The following VRK2 variants were observed in gnomAD, a reference collection of about 807,000 sequenced individuals.
VRK2 encodes the protein serine/threonine-protein kinase VRK2.
In VRK2, 60 loss-of-function variants were observed where a neutral mutation model predicts 57.6. The ratio of observed to expected loss-of-function variants is 1.04; its 90% CI spans 0.85 to 1.29. VRK2 has a LOEUF of 1.29. Ranked by LOEUF, VRK2 falls within the 50% of genes most tolerant of loss-of-function variation. The probability of loss-of-function intolerance (pLI) is 0.00; values close to 1 mark genes in which losing one functional copy is unlikely to be tolerated. For synonymous variants in VRK2, 231 were observed against 199.2 expected (o/e 1.16, Z -1.35); for missense variants, 705 against 588.1 (o/e 1.20, Z -2.06).
intron 1 of VRK2, among the ~76,000 whole-genome samples, chr2:57,953,546 CTT>C (rs949535343): frequency 3.9e-5 from 6 of 152,190 alleles, no homozygotes; most frequent in African/African-American, 1.4e-4. Flanking sequence ...CAGTTATACA[CTT>C]AAACACTTTT....
rs546095382 is a variant in VRK2, at chr2:58,005,014, C to T, written c.-438-20651C>T. Reference sequence around the variant, plus strand: ...GTTAGTGGCCCATTTACTCTAATTTCACACTTGAAAGGCAAAGAAATGTAT... The same window carrying T: ...GTTAGTGGCCCATTTACTCTAATTTTACACTTGAAAGGCAAAGAAATGTAT... On this transcript the variant is annotated intron_variant, in intron 1 of 15. Transcript: ENST00000417641. 3.9e-5 allele frequency among the ~76,000 whole-genome samples: 6 copies of T among 152,226 alleles called. No homozygotes were observed. In the South Asian group the frequency reaches 1.2e-3, roughly 32 times the overall value.
At chr2:58,130,731 A>G (rs1679070132) in intron 8 of VRK2, among the ~76,000 whole-genome samples, 1 of 152,210 alleles carries the variant, frequency 6.6e-6, no homozygotes, top group African/African-American at 2.4e-5. Context: ...TTTAACAGCC[A>G]CTTACTGCTC....
chr2:58,109,720 A>T (rs1488105721), intron 7 of VRK2, among the ~76,000 whole-genome samples: 1 of 152,194 alleles, frequency 6.6e-6, no homozygotes, highest in South Asian at 2.1e-4. Flanking sequence ...CCCTCAACAC[A>T]TGGGAATTAC....
intron 1 of VRK2, 158 bp downstream of exon 1, chr2:58,047,026 C>T (rs963422516): frequency 1.3e-5 from 12 of 957,814 alleles, no homozygotes; most frequent in Non-Finnish European, 1.5e-5. Flanking sequence ...CGGGCAGAGT[C>T]GCTGCTTCCG....
intron 1 of VRK2, among the ~76,000 whole-genome samples, chr2:57,983,931 T>C (rs1672512383): frequency 6.6e-6 from 1 of 152,146 alleles, no homozygotes; most frequent in Non-Finnish European, 1.5e-5. Context: ...ATATAACAGC[T>C]TTGAGGGAAT....
chr2:58,104,542 A>T (rs760142040), intron 7 of VRK2, among the ~76,000 whole-genome samples: 5 of 151,942 alleles, frequency 3.3e-5, no homozygotes, highest in Non-Finnish European at 5.9e-5. Flanking sequence ...AAACTACAAA[A>T]CAGTGGTGAA....
chr2:58,124,143 ATTAG>A (rs144581853), intron 8 of VRK2, among the ~76,000 whole-genome samples: 184 of 152,314 alleles, frequency 1.2e-3, no homozygotes, highest in African/African-American at 4.2e-3. Context: ...CAATTCCCTA[ATTAG>A]TTAAAGTCAT....
intron 1 of VRK2, among the ~76,000 whole-genome samples, chr2:57,948,025 C>G (rs1405861011): frequency 1.3e-5 from 2 of 152,140 alleles, no homozygotes; most frequent in East Asian, 3.9e-4. Flanking sequence ...ACTCATAATT[C>G]TAGTGTCCAA....
At chr2:58,137,141 A>C (rs1350567991) in intron 10 of VRK2, among the ~76,000 whole-genome samples, 1 of 78,322 alleles carries the variant, frequency 1.3e-5, no homozygotes, top group African/African-American at 5.8e-5. Flanking sequence ...ATCATATATC[A>C]TATATATCAT....
intron 7 of VRK2, among the ~76,000 whole-genome samples, chr2:58,122,147 A>G (rs1677607925): frequency 1.3e-5 from 2 of 152,212 alleles, no homozygotes; most frequent in African/African-American, 2.4e-5. Flanking sequence ...AAATACAGAT[A>G]AAATAGTGGT....
At chr2:57,915,597 G>C (rs1478578952) in intron 1 of VRK2, among the ~76,000 whole-genome samples, 2 of 152,174 alleles carry the variant, frequency 1.3e-5, no homozygotes, top group African/African-American at 2.4e-5. Context: ...ATGGAACAAT[G>C]ATGACTAGAA....
chr2:58,102,092 A>T (rs1318915928), intron 7 of VRK2, among the ~76,000 whole-genome samples: 1 of 151,580 alleles, frequency 6.6e-6, no homozygotes, highest in Non-Finnish European at 1.5e-5. Context: ...GTGTCAAAAG[A>T]TCTTTACTAT....
intron 2 of VRK2, among the ~76,000 whole-genome samples, chr2:58,050,406 T>G (rs1392585132): frequency 6.6e-6 from 1 of 152,214 alleles, no homozygotes; most frequent in East Asian, 1.9e-4. Flanking sequence ...GTTTGAAACT[T>G]GAACTTAGTG....
intron 1 of VRK2, among the ~76,000 whole-genome samples, chr2:57,942,242 G>T (rs1328825476): frequency 6.6e-6 from 1 of 152,112 alleles, no homozygotes; most frequent in Non-Finnish European, 1.5e-5. Flanking sequence ...TGCTTCTATT[G>T]TCTTCTGTAC....
Position 57,977,899 on chromosome 2 carries a change from A to G in VRK2, c.-438-47766A>G, listed in dbSNP as rs183161811. ...CATTTTGAGTCATGTCCCTTCAATG[A>G]CTAGTTTGTTGAGGGTATTTAACAT... is the stretch of plus-strand genomic sequence containing the variant. On this transcript the variant is annotated intron_variant, in intron 1 of 15. Transcript: ENST00000417641. 2.3e-4 allele frequency among the ~76,000 whole-genome samples: 35 copies of G among 150,920 alleles called. 2 individuals carry two copies. The highest frequency in any genetic ancestry group is 7.7e-4 in the African/African-American group (31 of 40,346).
chr2:58,047,438 T>A (rs1674998444), intron 1 of VRK2: 3 of 985,412 alleles, frequency 3.0e-6, no homozygotes. Flanking sequence ...GTCGTTTCCC[T>A]TGGCAGATGA....
chr2:57,930,991 A>C (rs1216178950), intron 1 of VRK2, among the ~76,000 whole-genome samples: 1 of 152,030 alleles, frequency 6.6e-6, no homozygotes, highest in Non-Finnish European at 1.5e-5. Context: ...TTATATATTC[A>C]TACATATTAT....
chr2:58,057,325 G>A (rs907364651), intron 2 of VRK2, among the ~76,000 whole-genome samples: 4 of 152,164 alleles, frequency 2.6e-5, no homozygotes, highest in African/African-American at 9.6e-5. Context: ...GTATCTTTTG[G>A]GGAGTTTGAA....
At chr2:58,118,824 C>T (rs1676948692) in intron 7 of VRK2, among the ~76,000 whole-genome samples, 5 of 151,942 alleles carry the variant, frequency 3.3e-5, no homozygotes. Context: ...AGGGGTGGGG[C>T]CGTTTTATAG....
Sources: gnomAD v4.1 joint callset for allele counts (sites outside exome capture counted in the v4.1 genomes callset) on GRCh38, gnomAD v4.1.1 for gene constraint, MANE v1.5 for transcripts, NCBI Gene and HGNC (gene_info 2026-07-23, HGNC 2026-07-21) for gene names.